The following NKAIN2 variants were observed in gnomAD, a reference collection of about 807,000 sequenced individuals.
NKAIN2 encodes sodium/potassium transporting ATPase interacting 2, also known as sodium/potassium-transporting ATPase subunit beta-1-interacting protein 2.
Under a neutral mutation model 32.6 loss-of-function variants are expected in NKAIN2, and 14 were observed. The observed-to-expected ratio is 0.43, with a 90% confidence interval of 0.28 to 0.67. The LOEUF is 0.67. Among genes scored for constraint, NKAIN2 ranks in the 30% least tolerant of loss-of-function variants. NKAIN2 has a pLI of 0.17. For synonymous variants in NKAIN2, 80 were observed against 87.2 expected (o/e 0.92, Z 0.46); for missense variants, 198 against 258.3 (o/e 0.77, Z 1.60).
intron 1 of NKAIN2, among the ~76,000 whole-genome samples, chr6:124,191,398 T>A (rs1465137638): frequency 6.6e-6 from 1 of 152,050 alleles, no homozygotes; most frequent in Non-Finnish European, 1.5e-5. Context: ...TTTATTAATT[T>A]AATTTAAAAA....
chr6:124,493,329 A>G (rs1777937866), intron 3 of NKAIN2, among the ~76,000 whole-genome samples: 1 of 152,006 alleles, frequency 6.6e-6, no homozygotes, highest in Admixed American at 6.6e-5. Context: ...TCATAGAGTT[A>G]TTTCTGCTTT....
intron 1 of NKAIN2, among the ~76,000 whole-genome samples, chr6:123,924,594 G>A (rs902762836): frequency 6.6e-6 from 1 of 152,054 alleles, no homozygotes; most frequent in Non-Finnish European, 1.5e-5. Context: ...TATAATAGAA[G>A]TTTAGAATTA....
chr6:124,429,314 C>T (rs1177556748), intron 3 of NKAIN2, among the ~76,000 whole-genome samples: 2 of 152,106 alleles, frequency 1.3e-5, no homozygotes, highest in Non-Finnish European at 2.9e-5. Context: ...TCCCAAAGGC[C>T]TGGGATTACT....
At chr6:124,289,049 A>G (rs1212544344) in intron 2 of NKAIN2, among the ~76,000 whole-genome samples, 2 of 152,214 alleles carry the variant, frequency 1.3e-5, no homozygotes, top group African/African-American at 2.4e-5. Context: ...AATGATGGTT[A>G]GAAAGAGAAG....
chr6:124,097,419 A>AAAAT (rs1784692301), intron 1 of NKAIN2, among the ~76,000 whole-genome samples: 1 of 150,876 alleles, frequency 6.6e-6, no homozygotes, highest in African/African-American at 2.5e-5. Context: ...AAAAAAAAAA[A>AAAAT]AGTAATTAAC....
intron 1 of NKAIN2, among the ~76,000 whole-genome samples, chr6:123,974,211 T>C (rs1778455483): frequency 6.6e-6 from 1 of 152,170 alleles, no homozygotes; most frequent in Non-Finnish European, 1.5e-5. Context: ...GATAGCCACC[T>C]GAGGTGTGTG....
intron 4 of NKAIN2, among the ~76,000 whole-genome samples, chr6:124,784,245 T>C (rs1459256822): frequency 6.6e-6 from 1 of 152,148 alleles, no homozygotes; most frequent in South Asian, 2.1e-4. Context: ...TTACCCAGTT[T>C]CTCCAAATAG....
chr6:124,736,843 C>T lies in NKAIN2; in HGVS notation c.475-54496C>T, dbSNP rs117689494. Among the ~76,000 whole-genome samples the T allele has an allele frequency of 1.8e-3, 281 of 151,982 alleles. 2 individuals are homozygous for T. Among genetic ancestry groups the T allele is most frequent in the South Asian group, 0.018 (87 of 4,814 alleles). ...AATGGAAATTAATGTTGTTTTTATGCCTGCTAACACAACAACCATTCTGCA... is the reference window on the plus strand; with the variant it reads ...AATGGAAATTAATGTTGTTTTTATGTCTGCTAACACAACAACCATTCTGCA... On this transcript the variant is annotated intron_variant, in intron 4 of 6. Transcript: ENST00000368417.
At chr6:123,923,414 G>A (rs1775851062) in intron 1 of NKAIN2, among the ~76,000 whole-genome samples, 1 of 151,440 alleles carries the variant, frequency 6.6e-6, no homozygotes, top group Non-Finnish European at 1.5e-5. Context: ...GAAAGCCTTT[G>A]TTGCATTTCG....
chr6:124,543,301 CA>C (rs1046960324), intron 3 of NKAIN2, among the ~76,000 whole-genome samples: 3 of 152,058 alleles, frequency 2.0e-5, no homozygotes, highest in Non-Finnish European at 2.9e-5. Context: ...ACTACCTAGC[CA>C]AATAATTAAT....
At chr6:124,039,770 C>T (rs73561073) in intron 1 of NKAIN2, among the ~76,000 whole-genome samples, 12,843 of 151,800 alleles carry the variant, frequency 0.085, 873 homozygotes, top group African/African-American at 0.19. Context: ...ACCTAAACTT[C>T]CTACAAAAAG....
At chr6:123,848,623 C>A (rs1775190371) in intron 1 of NKAIN2, among the ~76,000 whole-genome samples, 2 of 152,148 alleles carry the variant, frequency 1.3e-5, no homozygotes, top group African/African-American at 4.8e-5. Context: ...CAACCTCTTT[C>A]CTTTATAATT....
At chr6:124,784,952 T>C (rs1231869388) in intron 4 of NKAIN2, among the ~76,000 whole-genome samples, 2 of 152,142 alleles carry the variant, frequency 1.3e-5, no homozygotes, top group Non-Finnish European at 2.9e-5. Flanking sequence ...TCACTAAGCT[T>C]TTGGAATTAG....
chr6:124,256,085 G>A (rs1279226516), intron 1 of NKAIN2, among the ~76,000 whole-genome samples: 2 of 152,124 alleles, frequency 1.3e-5, no homozygotes, highest in Non-Finnish European at 2.9e-5. Context: ...GAGTGTTAAC[G>A]TGTTAGTCTA....
chr6:123,871,321 C>A lies in NKAIN2; in HGVS notation c.54+67067C>A, dbSNP rs141259578. 5.9e-3 allele frequency among the ~76,000 whole-genome samples: 898 copies of A among 152,230 alleles called. 7 individuals carry two copies. The highest frequency in any genetic ancestry group is 0.02 in the African/African-American group (832 of 41,550). On this transcript the variant is annotated intron_variant, in intron 1 of 6. Coordinates refer to ENST00000368417, the MANE Select transcript of NKAIN2 (RefSeq NM_001040214.3). ...TTCACCACTTCATCCCCAAAATTCT[C>A]CCTTAGGAGTATAAATTTCGCTGAA...
intron 1 of NKAIN2, among the ~76,000 whole-genome samples, chr6:124,157,403 G>A (rs1788047559): frequency 1.3e-5 from 2 of 152,042 alleles, no homozygotes; most frequent in Non-Finnish European, 2.9e-5. Context: ...TCTGTGTGTA[G>A]TAAATTTATT....
At chr6:124,228,658 AG>A (rs748249604) in intron 1 of NKAIN2, among the ~76,000 whole-genome samples, 38 of 152,128 alleles carry the variant, frequency 2.5e-4, no homozygotes, top group Non-Finnish European at 5.1e-4. Flanking sequence ...ACTTGGCTGC[AG>A]TCTATGCTGA....
At chr6:124,309,409 T>A (rs1796631372) in intron 2 of NKAIN2, among the ~76,000 whole-genome samples, 1 of 152,234 alleles carries the variant, frequency 6.6e-6, no homozygotes, top group East Asian at 1.9e-4. Context: ...GGTCTATATC[T>A]GAAATCAAGT....
At chr6:124,326,510 C>T (rs968723846) in intron 2 of NKAIN2, among the ~76,000 whole-genome samples, 3 of 152,088 alleles carry the variant, frequency 2.0e-5, no homozygotes, top group South Asian at 2.1e-4. Flanking sequence ...GTTATCTCCT[C>T]AATTCTATTT....
Sources: gnomAD v4.1 joint callset for allele counts (sites outside exome capture counted in the v4.1 genomes callset) on GRCh38, gnomAD v4.1.1 for gene constraint, MANE v1.5 for transcripts, NCBI Gene and HGNC (gene_info 2026-07-23, HGNC 2026-07-21) for gene names.